PTPN23: variants seen among roughly 807,000 people sequenced by gnomAD.
PTPN23 encodes the protein protein tyrosine phosphatase non-receptor type 23.
PTPN23 carries 72 observed loss-of-function variants against 156.3 expected under a neutral mutation model. The ratio of observed to expected loss-of-function variants is 0.46; its 90% confidence interval spans 0.38 to 0.56. The LOEUF (loss-of-function observed/expected upper bound fraction) is 0.56, where lower values mean the gene tolerates loss of function less well. Ranked by LOEUF, PTPN23 falls within the 20% of genes least tolerant of loss-of-function variation. The pLI is 0.00. For synonymous variants in PTPN23, 957 were observed against 899.6 expected (o/e 1.06, Z -1.14); for missense variants, 1,974 against 2,171.5 (o/e 0.91, Z 1.81).
In PTPN23 at chr3:47,410,259, C is replaced by CTCTACCCAGCCCCTGCCT. The variant is rs756084829; in HGVS notation, c.2462_2479dup (p.Ala826_Tyr827insPheTyrProAlaProAla). ...AATGCCCGTAGCACCTGGGCCTGCC[C>CTCTACCCAGCCCCTGCCT]TCTACCCAGCCCCTGCCTACACACC... On this transcript the variant is annotated inframe_insertion, in exon 20 of 25. Coordinates refer to ENST00000265562, the MANE Select transcript of PTPN23 (RefSeq NM_015466.4). The CTCTACCCAGCCCCTGCCT allele has an allele frequency of 3.1e-6, 5 of 1,610,452 alleles. No individual in the cohort carries two copies. The South Asian group carries it at 4.4e-5, about 14-fold the overall frequency.
intron 1 of PTPN23, among the ~76,000 whole-genome samples, chr3:47,384,766 T>A (rs1704619914): frequency 7.0e-6 from 1 of 142,318 alleles, no homozygotes; most frequent in Non-Finnish European, 1.6e-5. Flanking sequence ...CCCGTGTGAA[T>A]TTTTTTTTTT....
Position 47,409,293 on chromosome 3 carries a change from C to G in PTPN23, c.1773C>G (p.Val591=). 1 of 1,614,032 alleles carries G rather than the reference C, an allele frequency of 6.2e-7. No homozygotes were observed. The highest frequency in any genetic ancestry group is 8.5e-7 in the Non-Finnish European group (1 of 1,180,014). ...AAGATGACATCACTGCCTCGCTGGT[C>G]ACCACAGACCACTCAGAGATGAAGG... ...IQKDDITASL[V]TTDHSEMKKL... The change falls in exon 17 of 25, where the codon GTC becomes GTG. Residue 591 remains valine, a synonymous_variant. Transcript: ENST00000265562.
In PTPN23 at chr3:47,390,262, A is replaced by T. The variant is rs560971903; in HGVS notation, c.85-5881A>T. On this transcript the variant is annotated intron_variant, in intron 1 of 24. Coordinates refer to ENST00000265562, the MANE Select transcript of PTPN23 (RefSeq NM_015466.4). The stretch of plus-strand genomic sequence containing the variant: ...AACAAAAAACAAAAACCAAGCCCAG[A>T]TTTCACAGCAACTCAGGGGCACTGT... 1.2e-4 allele frequency among the ~76,000 whole-genome samples: 19 copies of T among 152,246 alleles called. 1 individual carries two copies. In the South Asian group the frequency reaches 3.5e-3, roughly 28 times the overall value.
Position 47,410,845 on chromosome 3 carries a change from C to A in PTPN23, c.3047C>A (p.Thr1016Asn). 2 of 1,605,784 alleles carry A rather than the reference C, an allele frequency of 1.2e-6. No homozygotes were observed. The highest frequency in any genetic ancestry group is 1.7e-6 in the Non-Finnish European group (2 of 1,174,314). ...GGGCAGCCGCCACCCCCCCTACACA[C>A]CCAGCTCTACCCAGGTCCCGCTCAA... is the stretch of plus-strand genomic sequence containing the variant. ...VLGQPPPPLH[T>N]QLYPGPAQDP... Residue 1016 changes from threonine (T) to asparagine (N), a missense_variant, in exon 20 of 25, where the codon ACC (threonine) becomes AAC (asparagine). By Grantham distance (65) the Thr-to-Asn change is moderately conservative. This residue lies in a region of PTPN23 where 731 missense variants were observed against 669.1 expected (regional missense o/e 1.09). Transcript: ENST00000265562.
rs1450743268 is a variant in PTPN23, at chr3:47,413,148, G to C, written c.4874G>C (p.Ser1625Thr). The change falls in exon 25 of 25, where the codon AGC becomes ACC. Residue 1625 changes from serine to threonine, a missense_variant. Coordinates refer to ENST00000265562, the MANE Select transcript of PTPN23 (RefSeq NM_015466.4). Reference sequence around the variant, plus strand: ...ACCCGGCCCTCTGACGACCCCCTCAGCCTTCTGGATCCACTCTGGACACTC... The same window carrying C: ...ACCCGGCCCTCTGACGACCCCCTCACCCTTCTGGATCCACTCTGGACACTC... ...RATRPSDDPL[S>T]LLDPLWTLNK... 5 of 1,612,562 alleles carry C rather than the reference G, an allele frequency of 3.1e-6. No homozygotes were observed. In the Admixed American group the frequency reaches 8.3e-5, roughly 27 times the overall value.
intron 1 of PTPN23, among the ~76,000 whole-genome samples, chr3:47,394,955 G>T (rs985004526): frequency 6.6e-6 from 1 of 152,152 alleles, no homozygotes; most frequent in Admixed American, 6.6e-5. Context: ...TGGACACAGG[G>T]ACTTTCAGGA....
In PTPN23 at chr3:47,410,985, C is replaced by A. The variant is rs772721451; in HGVS notation, c.3187C>A (p.Gln1063Lys). 1 of 1,607,490 alleles carries A rather than the reference C, an allele frequency of 6.2e-7. No individual in the cohort carries two copies. The highest frequency in any genetic ancestry group is 8.5e-7 in the Non-Finnish European group (1 of 1,176,940). Residue 1063 changes from glutamine to lysine, a missense_variant, in exon 20 of 25, where the codon CAG becomes AAG. Around this residue, in one of 4 missense-constraint regions of PTPN23, gnomAD observed 731 missense variants for 669.1 expected, o/e 1.09. Transcript: ENST00000265562. ...PAPSTRPMGP[Q>K]AAPLTIRGPS... is the part of the protein sequence containing the mutation. ...CCCTTCTACCAGACCCATGGGCCCCCAGGCAGCCCCTCTTACCATTCGAGG... is the reference window on the plus strand; with the variant it reads ...CCCTTCTACCAGACCCATGGGCCCCAAGGCAGCCCCTCTTACCATTCGAGG...
At chr3:47,396,718 A>G (rs1704886425) in intron 2 of PTPN23, among the ~76,000 whole-genome samples, 1 of 152,230 alleles carries the variant, frequency 6.6e-6, no homozygotes, top group South Asian at 2.1e-4. Flanking sequence ...GTTCAGGCCC[A>G]GGAGTTTGAG....
intron 1 of PTPN23, among the ~76,000 whole-genome samples, chr3:47,394,716 A>G (rs977519145): frequency 6.6e-6 from 1 of 152,236 alleles, no homozygotes; most frequent in African/African-American, 2.4e-5. Flanking sequence ...GCTACTGCAC[A>G]CATTCTTTTT....
intron 16 of PTPN23, 37 bp downstream of exon 16, chr3:47,409,124 G>A: frequency 6.2e-7 from 1 of 1,607,314 alleles, no homozygotes; most frequent in Non-Finnish European, 8.5e-7. Flanking sequence ...GACTCGAGCT[G>A]GGGGTTTCTC....
chr3:47,409,335 G>A lies in PTPN23; in HGVS notation c.1797+18G>A. 8 of 1,613,654 alleles carry A rather than the reference G, an allele frequency of 5.0e-6. No individual in the cohort carries two copies. The highest frequency in any genetic ancestry group is 6.8e-6 in the Non-Finnish European group (8 of 1,179,706). ...AGATGAAGGTGGGCTGGGTGAGCAG[G>A]GTAGAGGGGCTCTGGCTCCGGGCCC... is the stretch of plus-strand genomic sequence containing the variant. On this transcript the variant is annotated intron_variant, in intron 17 of 24. Transcript: ENST00000265562.
At position 47,410,046 on chromosome 3, in the gene PTPN23, C is replaced by G. The variant is rs199549354; in HGVS notation, c.2248C>G (p.Pro750Ala). ...DPPEELRSLP[P>A]DMVAGPRLPD... ...CCCTGAGGAGCTGCGCAGCCTCCCC[C>G]CTGACATGGTGGCTGGCCCACGACT... Residue 750 changes from proline (P) to alanine (A), a missense_variant, in exon 20 of 25, where the codon CCT becomes GCT. Pro to Ala is a conservative substitution (Grantham distance 27). Coordinates refer to ENST00000265562, the MANE Select transcript of PTPN23 (RefSeq NM_015466.4). 7.1e-5 allele frequency: 115 copies of G among 1,611,642 alleles called. 2 individuals are homozygous for G. The South Asian group carries it at 1.0e-3, about 15-fold the overall frequency.
chr3:47,396,699 C>G (rs1006076455), intron 2 of PTPN23, among the ~76,000 whole-genome samples: 3 of 152,086 alleles, frequency 2.0e-5, no homozygotes, highest in African/African-American at 7.2e-5. Context: ...AGGATTGGTT[C>G]CTCCTGGAGT....
intron 1 of PTPN23, among the ~76,000 whole-genome samples, chr3:47,387,262 AT>A (rs1462526396): frequency 1.3e-5 from 2 of 152,162 alleles, no homozygotes. Context: ...AGCTGAACAT[AT>A]ACTGTATTAA....
At chr3:47,386,021 G>A (rs1704645366) in intron 1 of PTPN23, among the ~76,000 whole-genome samples, 1 of 152,126 alleles carries the variant, frequency 6.6e-6, no homozygotes, top group East Asian at 1.9e-4. Context: ...TATCACATGG[G>A]TTGAACTGTA....
At chr3:47,408,131 GGGA>G in intron 14 of PTPN23, among the ~76,000 whole-genome samples, 176 bp downstream of exon 14, 1 of 152,166 alleles carries the variant, frequency 6.6e-6, no homozygotes, top group Non-Finnish European at 1.5e-5. Flanking sequence ...GTCATGTCTT[GGGA>G]GGAGGAGGTG....
intron 2 of PTPN23, among the ~76,000 whole-genome samples, chr3:47,404,036 G>A (rs1159355002): frequency 6.6e-6 from 1 of 152,198 alleles, no homozygotes; most frequent in Non-Finnish European, 1.5e-5. Flanking sequence ...TTTGAGAACA[G>A]CCTGGGCAAC....
Position 47,412,897 on chromosome 3 carries a change from A to G in PTPN23, c.4623A>G (p.Pro1541=). 1 of 1,579,356 alleles carries G rather than the reference A, an allele frequency of 6.3e-7. No homozygotes were observed. The highest frequency in any genetic ancestry group is 1.4e-5 in the African/African-American group (1 of 69,666). ...PASLPESTPI[P]SSSPPPLSSP... ...GCCTCCCAGAGTCTACCCCAATCCCATCTTCCTCCCCGCCCCCCCTTTCCT... is the reference window on the plus strand; with the variant it reads ...GCCTCCCAGAGTCTACCCCAATCCCGTCTTCCTCCCCGCCCCCCCTTTCCT... The change falls in exon 25 of 25, where the codon CCA becomes CCG. Residue 1541 remains proline (P), a synonymous_variant. Transcript: ENST00000265562.
rs754176127 is a variant in PTPN23 at position 47,411,189 on chromosome 3, A to C, written c.3391A>C (p.Thr1131Pro). 2 of 1,603,874 alleles carry C rather than the reference A, an allele frequency of 1.2e-6. No individual in the cohort carries two copies. Among genetic ancestry groups the C allele is most frequent in the South Asian group, 2.2e-5 (2 of 90,442 alleles). ...SSSPESQHGG[T>P]QSPGGGQPLL... The stretch of plus-strand genomic sequence containing the variant: ...CAGCCCGGAGAGCCAGCATGGCGGC[A>C]CTCAGTCTCCTGGGGGTGGGCAGCC... The change falls in exon 20 of 25, where the codon ACT becomes CCT. Residue 1131 changes from threonine to proline, a missense_variant. Physicochemically the swap from Thr to Pro is conservative, Grantham distance 38. Transcript: ENST00000265562. The surrounding 1 kb of genome is among the most constrained non-coding windows in gnomAD (Gnocchi z 6.3).
Sources: allele counts gnomAD v4.1 joint callset (sites outside exome capture counted in the v4.1 genomes callset), GRCh38; gene constraint gnomAD v4.1.1; regional missense constraint gnomAD v4.1.1; non-coding constraint Gnocchi (gnomAD v3.1); transcripts MANE v1.5; gene names NCBI Gene and HGNC (gene_info 2026-07-23, HGNC 2026-07-21).